The following ZFAND3 variants were observed in gnomAD, a reference collection of about 807,000 sequenced individuals.
The protein encoded by ZFAND3 is zinc finger AN1-type containing 3.
ZFAND3 carries 10 observed loss-of-function variants against 29.6 expected under a neutral mutation model. The ratio of observed to expected loss-of-function variants is 0.34; its 90% CI spans 0.21 to 0.57. The LOEUF is 0.57. ZFAND3 is among the 20% of genes least tolerant of loss of function. The probability of loss-of-function intolerance (pLI) is 0.86; values close to 1 mark genes in which losing one functional copy is unlikely to be tolerated. For missense variants in ZFAND3, 230 were observed against 304.5 expected, an observed-to-expected ratio of 0.76 and a Z score of 1.82; for synonymous variants, 128 against 112.6, an observed-to-expected ratio of 1.14 and a Z score of -0.87.
At chr6:38,138,035 A>C (rs1436572356) in intron 5 of ZFAND3, among the ~76,000 whole-genome samples, 1 of 152,186 alleles carries the variant, frequency 6.6e-6, no homozygotes, top group Non-Finnish European at 1.5e-5. Flanking sequence ...CTGGAGAGCC[A>C]GGCACGGTAA....
intron 2 of ZFAND3, among the ~76,000 whole-genome samples, chr6:38,044,827 G>A (rs1364246237): frequency 6.6e-6 from 1 of 152,060 alleles, no homozygotes; most frequent in Admixed American, 6.5e-5. Flanking sequence ...TCTTTTTTGA[G>A]CCAGTCTTTT....
intron 1 of ZFAND3, among the ~76,000 whole-genome samples, chr6:37,829,800 C>T (rs1246251411): frequency 6.6e-6 from 1 of 152,158 alleles, no homozygotes; most frequent in Non-Finnish European, 1.5e-5. Context: ...TGATCTTCTT[C>T]AGGGAATATT....
intron 5 of ZFAND3, among the ~76,000 whole-genome samples, chr6:38,149,269 T>C (rs1254154050): frequency 6.6e-6 from 1 of 151,766 alleles, no homozygotes; most frequent in African/African-American, 2.4e-5. Context: ...AAAAAACAGC[T>C]AGGTGTGGTG....
At chr6:37,887,128 G>A (rs191128029) in intron 1 of ZFAND3, among the ~76,000 whole-genome samples, 109 of 152,282 alleles carry the variant, frequency 7.2e-4, no homozygotes, top group African/African-American at 2.1e-3. Context: ...GAAGTAAGAA[G>A]TGTTGTGATA....
chr6:37,919,298 A>T (rs1291128278), intron 1 of ZFAND3, among the ~76,000 whole-genome samples: 2 of 152,164 alleles, frequency 1.3e-5, no homozygotes, highest in Admixed American at 6.6e-5. Flanking sequence ...GTAACTGCAC[A>T]TGCATATTTA....
intron 1 of ZFAND3, among the ~76,000 whole-genome samples, chr6:37,876,288 G>C: frequency 6.6e-6 from 1 of 152,208 alleles, no homozygotes; most frequent in Admixed American, 6.5e-5. Context: ...GCATTGATTT[G>C]TTTCTGCCTT....
At chr6:37,936,763 A>G (rs940525268) in intron 2 of ZFAND3, among the ~76,000 whole-genome samples, 5 of 152,232 alleles carry the variant, frequency 3.3e-5, no homozygotes, top group African/African-American at 4.8e-5. Context: ...ACAAATTACA[A>G]ATGTTTAAAA....
intron 4 of ZFAND3, among the ~76,000 whole-genome samples, chr6:38,085,480 A>G (rs1377199293): frequency 6.6e-6 from 1 of 152,238 alleles, no homozygotes; most frequent in Non-Finnish European, 1.5e-5. Flanking sequence ...CAAAGGGCAC[A>G]CAATGTACTG....
At chr6:37,860,738 T>C (rs1764474479) in intron 1 of ZFAND3, among the ~76,000 whole-genome samples, 1 of 150,782 alleles carries the variant, frequency 6.6e-6, no homozygotes, top group African/African-American at 2.4e-5. Context: ...AGGTACCTTT[T>C]TCACCCAGTT....
chr6:38,038,622 C>T (rs564361398), intron 2 of ZFAND3, among the ~76,000 whole-genome samples: 2 of 152,054 alleles, frequency 1.3e-5, no homozygotes, highest in Non-Finnish European at 2.9e-5. Flanking sequence ...GTTTCCCCCC[C>T]GCTTTGGTGC....
At chr6:37,820,444 C>T (rs259723) in intron 1 of ZFAND3, among the ~76,000 whole-genome samples, 106,043 of 152,096 alleles carry the variant, frequency 0.7, 37,541 homozygotes, top group African/African-American at 0.77. Context: ...CCTCTGACTT[C>T]TTCACCTCCC....
chr6:38,065,202 G>C (rs1409100134), intron 3 of ZFAND3, among the ~76,000 whole-genome samples: 2 of 152,056 alleles, frequency 1.3e-5, no homozygotes, highest in African/African-American at 2.4e-5. Flanking sequence ...TGTAGTCCCA[G>C]CTACTCGGGA....
chr6:37,955,846 A>T (rs946514371), intron 2 of ZFAND3, among the ~76,000 whole-genome samples: 25 of 152,354 alleles, frequency 1.6e-4, no homozygotes, highest in African/African-American at 5.8e-4. Context: ...ACATTGGGAT[A>T]AAAGAATCCA....
chr6:37,977,601 C>T (rs576709968), intron 2 of ZFAND3, among the ~76,000 whole-genome samples: 156 of 152,170 alleles, frequency 1.0e-3, no homozygotes, highest in Admixed American at 2.0e-3. Context: ...GCCACTGCAC[C>T]CAGCCTACAA....
At chr6:38,040,327 A>G (rs560250601) in intron 2 of ZFAND3, among the ~76,000 whole-genome samples, 2 of 152,312 alleles carry the variant, frequency 1.3e-5, no homozygotes, top group Non-Finnish European at 2.9e-5. Context: ...ATGCTTAACT[A>G]TACAGCTCAG....
chr6:37,875,849 T>C (rs1478085730), intron 1 of ZFAND3, among the ~76,000 whole-genome samples: 1 of 151,024 alleles, frequency 6.6e-6, no homozygotes, highest in Non-Finnish European at 1.5e-5. Context: ...TTTTTTTTTA[T>C]TGGTAAAGAT....
intron 2 of ZFAND3, among the ~76,000 whole-genome samples, chr6:37,963,487 C>T (rs2127425462): frequency 6.6e-6 from 1 of 151,530 alleles, no homozygotes; most frequent in East Asian, 1.9e-4. Flanking sequence ...AAGATACGAG[C>T]AGAAATACAT....
chr6:38,082,322 C>T lies in ZFAND3; in HGVS notation c.296-70C>T. The T allele has an allele frequency of 2.2e-6, 3 of 1,370,380 alleles. No individual in the cohort carries two copies. In the East Asian group the frequency reaches 6.9e-5, roughly 32 times the overall value. 84.9% of individuals were successfully genotyped at this position (1,370,380 alleles called of 1,614,324 possible). ...TTTTCCTTTTTAAAGTTTCTCTTTA[C>T]TCAGGAAAGCAACTATATGGGCATG... On this transcript the variant is annotated intron_variant, in intron 3 of 5. Transcript: ENST00000287218.
chr6:37,919,355 A>G (rs1400806115), intron 1 of ZFAND3, among the ~76,000 whole-genome samples: 1 of 152,210 alleles, frequency 6.6e-6, no homozygotes, highest in Non-Finnish European at 1.5e-5. Context: ...ATATGCTCGT[A>G]ATATAAATTT....
Sources: allele counts gnomAD v4.1 joint callset (sites outside exome capture counted in the v4.1 genomes callset), GRCh38; gene constraint gnomAD v4.1.1; transcripts MANE v1.5; gene names NCBI Gene and HGNC (gene_info 2026-07-23, HGNC 2026-07-21).